Variants in PDE10A observed in about 807,000 individuals in gnomAD.
PDE10A encodes the protein cAMP and cAMP-inhibited cGMP 3',5'-cyclic phosphodiesterase 10A.
Under a neutral mutation model 97.7 loss-of-function variants are expected in PDE10A, and 39 were observed. That is an observed-to-expected ratio of 0.40 (90% CI 0.31 to 0.52). The LOEUF (loss-of-function observed/expected upper bound fraction) is 0.52, where lower values mean the gene tolerates loss of function less well. PDE10A is among the 20% of genes least tolerant of loss of function. The pLI is 0.56. For missense variants in PDE10A, 731 were observed against 1,047.8 expected (o/e 0.70, Z 4.17); for synonymous variants, 371 against 376.8 (o/e 0.98, Z 0.18).
chr6:165,449,151 A>G lies in PDE10A; in HGVS notation c.1145-174T>C, dbSNP rs113306348. 9.7e-3 allele frequency among the ~76,000 whole-genome samples: 1,482 copies of G among 152,344 alleles called. 28 individuals carry two copies. The highest frequency in any genetic ancestry group is 0.034 in the African/African-American group (1,424 of 41,582). On this transcript the variant is annotated intron_variant, in intron 4 of 21. Coordinates refer to ENST00000539869, the MANE Select transcript of PDE10A (RefSeq NM_001385079.1). Reference sequence around the variant, plus strand: ...TATGGCTTTACTTAATAGCATAATTAAAATATCCTCTACATTTTTCATCAG... The same window carrying G: ...TATGGCTTTACTTAATAGCATAATTGAAATATCCTCTACATTTTTCATCAG...
intron 1 of PDE10A, among the ~76,000 whole-genome samples, chr6:165,708,599 C>T (rs1362750641): frequency 6.6e-6 from 1 of 151,790 alleles, no homozygotes; most frequent in East Asian, 1.9e-4. Flanking sequence ...CAAATAGGCC[C>T]AGGGCAAAAA....
intron 1 of PDE10A, among the ~76,000 whole-genome samples, chr6:165,583,542 A>G (rs1024018655): frequency 1.3e-5 from 2 of 152,220 alleles, no homozygotes; most frequent in African/African-American, 4.8e-5. Context: ...TCCACACAGC[A>G]TTCCTTCTAA....
chr6:165,736,904 G>A (rs888173795), intron 1 of PDE10A, among the ~76,000 whole-genome samples: 6 of 152,022 alleles, frequency 3.9e-5, no homozygotes, highest in African/African-American at 1.2e-4. Context: ...ATTGACAAAC[G>A]TTTAGTTGAC....
chr6:165,545,167 C>G (rs183991390), intron 1 of PDE10A: 7 of 508,076 alleles, frequency 1.4e-5, no homozygotes, highest in African/African-American at 9.8e-5. Context: ...TCCCATGACA[C>G]AAGGCTATAG....
chr6:165,525,501 G>A (rs188641705), intron 2 of PDE10A, among the ~76,000 whole-genome samples: 1 of 152,260 alleles, frequency 6.6e-6, no homozygotes, highest in East Asian at 1.9e-4. Flanking sequence ...TTAGGATGGT[G>A]GAGTGGATTA....
At chr6:165,881,396 T>TC (rs1200725527) in intron 1 of PDE10A, among the ~76,000 whole-genome samples, 1 of 8,528 alleles carries the variant, frequency 1.2e-4, no homozygotes, top group African/African-American at 4.1e-4. Context: ...TCTTTTCTTT[T>TC]TTTTTTTTTT....
At chr6:165,371,587 C>T (rs1379198973) in intron 18 of PDE10A, among the ~76,000 whole-genome samples, 3 of 152,056 alleles carry the variant, frequency 2.0e-5, no homozygotes, top group Non-Finnish European at 4.4e-5. Flanking sequence ...CAATAATCAA[C>T]AGCTTACCAA....
rs139469823 is a variant in PDE10A at position 165,925,468 on chromosome 6, T to TA, written c.-615+62060dup. Among the ~76,000 whole-genome samples the TA allele has an allele frequency of 7.3e-3, 1,109 of 152,204 alleles. 14 individuals carry two copies. Among genetic ancestry groups the TA allele is most frequent in the African/African-American group, 0.023 (974 of 41,542 alleles). On this transcript the variant is annotated intron_variant, in intron 1 of 19. Transcript: ENST00000366882. ...TTCATAGCAGCATTTCTTGTAATAA[T>TA]AAAAAAACACTGGAAATAACCCAAA...
chr6:165,861,949 A>C (rs890362257), intron 1 of PDE10A, among the ~76,000 whole-genome samples: 1 of 152,208 alleles, frequency 6.6e-6, no homozygotes, highest in Non-Finnish European at 1.5e-5. Context: ...CTGACCAGGC[A>C]ACTCTTAGGA....
At chr6:165,687,338 A>C (rs998302988) in intron 1 of PDE10A, among the ~76,000 whole-genome samples, 18 of 152,354 alleles carry the variant, frequency 1.2e-4, no homozygotes, top group African/African-American at 4.1e-4. Flanking sequence ...AAGGGAAGGA[A>C]GCTACAGACG....
intron 1 of PDE10A, among the ~76,000 whole-genome samples, chr6:165,898,849 G>T (rs1401609859): frequency 1.3e-5 from 2 of 152,162 alleles, no homozygotes; most frequent in Admixed American, 6.5e-5. Flanking sequence ...ACTCGGCCAA[G>T]TGCTGTCCCT....
chr6:165,527,379 G>A (rs1828531), intron 2 of PDE10A, among the ~76,000 whole-genome samples: 2,568 of 152,260 alleles, frequency 0.017, 83 homozygotes, highest in African/African-American at 0.059. Flanking sequence ...TGGACTATAT[G>A]ACCCAGCAGA....
chr6:165,681,895 A>G (rs1235359875), intron 1 of PDE10A, among the ~76,000 whole-genome samples: 1 of 152,196 alleles, frequency 6.6e-6, no homozygotes, highest in African/African-American at 2.4e-5. Flanking sequence ...GGCCATTTGT[A>G]TTAATGATAA....
intron 2 of PDE10A, among the ~76,000 whole-genome samples, chr6:165,498,716 C>T (rs1428649808): frequency 1.3e-5 from 2 of 152,098 alleles, no homozygotes; most frequent in African/African-American, 2.4e-5. Flanking sequence ...TTTAAAGTTG[C>T]TGACTTAAAT....
intron 1 of PDE10A, among the ~76,000 whole-genome samples, chr6:165,603,515 A>G (rs879421219): frequency 1.3e-5 from 2 of 152,250 alleles, no homozygotes; most frequent in Non-Finnish European, 2.9e-5. Context: ...TGAGTAACAG[A>G]GGGAAGTCTT....
chr6:165,552,869 G>T (rs1358748462), intron 1 of PDE10A, among the ~76,000 whole-genome samples: 2 of 152,220 alleles, frequency 1.3e-5, no homozygotes, highest in South Asian at 2.1e-4. Flanking sequence ...TGTCTTGTAT[G>T]ATTTCACAGA....
chr6:165,688,798 T>C (rs2128441130), intron 1 of PDE10A, among the ~76,000 whole-genome samples: 1 of 152,218 alleles, frequency 6.6e-6, no homozygotes, highest in East Asian at 1.9e-4. Flanking sequence ...TAGCCCTCTC[T>C]CCTCCTCCTC....
chr6:165,403,406 G>A (rs370918475), intron 13 of PDE10A, among the ~76,000 whole-genome samples: 8 of 152,224 alleles, frequency 5.3e-5, no homozygotes, highest in Admixed American at 1.3e-4. Context: ...GGGAATGTAC[G>A]CCAGAGAAAC....
At position 165,560,862 on chromosome 6, in the gene PDE10A, G is replaced by A. The variant is rs1212327421; in HGVS notation, c.866-17294C>T. Reference sequence around the variant, plus strand: ...CTGGATTATGGGGTGGTGTCTAATCGTTTAGCACCATCCTCCTGGTGCTGT... The same window carrying A: ...CTGGATTATGGGGTGGTGTCTAATCATTTAGCACCATCCTCCTGGTGCTGT... On this transcript the variant is annotated intron_variant, in intron 1 of 21. Coordinates refer to ENST00000539869, the MANE Select transcript of PDE10A (RefSeq NM_001385079.1). 4.6e-5 allele frequency among the ~76,000 whole-genome samples: 7 copies of A among 152,204 alleles called. No individual in the cohort carries two copies. The East Asian group carries it at 7.8e-4, about 17-fold the overall frequency.
Sources: gnomAD v4.1 joint callset for allele counts (sites outside exome capture counted in the v4.1 genomes callset) on GRCh38, gnomAD v4.1.1 for gene constraint, MANE v1.5 for transcripts, NCBI Gene and HGNC (gene_info 2026-07-23, HGNC 2026-07-21) for gene names.